Variants in FBXO16 observed in about 807,000 individuals in gnomAD.
FBXO16 encodes F-box protein 16, also known as F-box only protein 16.
A neutral mutation model predicts 41.0 loss-of-function variants in FBXO16; 31 were observed. That is an observed-to-expected ratio of 0.76 (90% confidence interval 0.57 to 1.02). The LOEUF is 1.02. Ranked by LOEUF, FBXO16 falls within the 50% of genes least tolerant of loss-of-function variation. The pLI is 0.00. For synonymous variants in FBXO16, 133 were observed against 117.8 expected (o/e 1.13, Z -0.84); for missense variants, 361 against 346.2 (o/e 1.04, Z -0.34).
chr8:28,450,173 T>C lies in FBXO16; in HGVS notation c.740+2071A>G, dbSNP rs550869343. Among the ~76,000 whole-genome samples the C allele has an allele frequency of 6.6e-5, 10 of 152,200 alleles. No homozygotes were observed. The East Asian group carries it at 1.9e-3, about 29-fold the overall frequency. On this transcript the variant is annotated intron_variant, in intron 6 of 8. Transcript: ENST00000380254. ...CCCAGAGTTAAAACCCTCACATATA[T>C]GGTCTATTGACTTTCAACAAGGGTG...
intron 2 of FBXO16, 64 bp from the exon 3 acceptor site, chr8:28,473,871 A>G: frequency 8.2e-7 from 1 of 1,220,550 alleles, no homozygotes; most frequent in Non-Finnish European, 1.2e-6. Context: ...CCATTACAAG[A>G]AAGATACCAT....
In FBXO16 at chr8:28,463,188, GTA is replaced by G. The variant is rs1174720346; in HGVS notation, c.342+422_342+423del. Among the ~76,000 whole-genome samples the G allele has an allele frequency of 4.0e-5, 6 of 151,468 alleles. No homozygotes were observed. The East Asian group carries it at 5.8e-4, about 15-fold the overall frequency. ...TGTGTGTTTGTGTGTGTATATGTGTGTATGTTTGTGTATGTGTTTGTGTGTTT... is the reference window on the plus strand; with the variant it reads ...TGTGTGTTTGTGTGTGTATATGTGTGTGTTTGTGTATGTGTTTGTGTGTTT... On this transcript the variant is annotated intron_variant, in intron 4 of 8. Coordinates refer to ENST00000380254, the MANE Select transcript of FBXO16 (RefSeq NM_172366.4).
intron 4 of FBXO16, among the ~76,000 whole-genome samples, chr8:28,459,376 G>A (rs993922651): frequency 3.3e-5 from 5 of 152,010 alleles, no homozygotes; most frequent in African/African-American, 1.2e-4. Flanking sequence ...CCAGCACTTT[G>A]AGAGGCCAAG....
chr8:28,453,000 T>A (rs1174082597), intron 5 of FBXO16, among the ~76,000 whole-genome samples: 1 of 152,110 alleles, frequency 6.6e-6, no homozygotes, highest in African/African-American at 2.4e-5. Flanking sequence ...ATCATCACGA[T>A]CACCATTACC....
chr8:28,478,257 G>A (rs1803453882), intron 2 of FBXO16, among the ~76,000 whole-genome samples: 1 of 152,072 alleles, frequency 6.6e-6, no homozygotes, highest in South Asian at 2.1e-4. Flanking sequence ...ATCTATTAAA[G>A]AACCAATGAG....
chr8:28,451,705 A>G (rs1333903353), intron 6 of FBXO16, among the ~76,000 whole-genome samples: 1 of 152,078 alleles, frequency 6.6e-6, no homozygotes, highest in East Asian at 1.9e-4. Context: ...AGAAGAGGCC[A>G]GGCACAGTTG....
chr8:28,479,172 GTTTC>G (rs1211180851), intron 2 of FBXO16, among the ~76,000 whole-genome samples: 2 of 152,172 alleles, frequency 1.3e-5, no homozygotes, highest in African/African-American at 4.8e-5. Flanking sequence ...AGCCTCAGGT[GTTTC>G]TTTACAACCA....
intron 7 of FBXO16, among the ~76,000 whole-genome samples, chr8:28,434,432 C>T (rs1010676661): frequency 1.3e-5 from 2 of 152,200 alleles, no homozygotes; most frequent in Non-Finnish European, 2.9e-5. Flanking sequence ...ACAATGACAG[C>T]ACCTGCTTTG....
chr8:28,473,635 G>A, intron 3 of FBXO16, 137 bp downstream of exon 3: 1 of 762,044 alleles, frequency 1.3e-6, no homozygotes, highest in Non-Finnish European at 2.2e-6. Flanking sequence ...AAATGTCTGG[G>A]TTTTTTTCTT....
At chr8:28,455,627 G>GACTTC (rs1358915956) in intron 5 of FBXO16, 6 of 152,144 alleles carry the variant, frequency 3.9e-5, no homozygotes, top group Non-Finnish European at 8.8e-5. Context: ...TGAACAGCCT[G>GACTTC]AGCTTCAGCT....
chr8:28,467,154 G>A (rs879715709), intron 3 of FBXO16, among the ~76,000 whole-genome samples: 1 of 152,036 alleles, frequency 6.6e-6, no homozygotes, highest in Non-Finnish European at 1.5e-5. Context: ...GTGGGGCTGA[G>A]CTACGTTGAG....
intron 7 of FBXO16, among the ~76,000 whole-genome samples, chr8:28,441,926 G>A (rs1306275400): frequency 1.6e-5 from 2 of 121,826 alleles, no homozygotes; most frequent in African/African-American, 1.0e-4. Context: ...GTGTGTGTGT[G>A]TGTGTGTGTG....
chr8:28,442,712 A>G (rs541310476), intron 7 of FBXO16, among the ~76,000 whole-genome samples: 9 of 152,226 alleles, frequency 5.9e-5, no homozygotes, highest in Admixed American at 5.9e-4. Context: ...CACCCTAAAA[A>G]GTGGTTAGAC....
chr8:28,459,148 G>A (rs1461749880), intron 4 of FBXO16, among the ~76,000 whole-genome samples: 3 of 152,088 alleles, frequency 2.0e-5, no homozygotes, highest in African/African-American at 4.8e-5. Context: ...CCATGACCCC[G>A]TAAATCAGAG....
chr8:28,438,880 T>TCG (rs1802722483), intron 7 of FBXO16, among the ~76,000 whole-genome samples: 1 of 151,596 alleles, frequency 6.6e-6, no homozygotes, highest in Non-Finnish European at 1.5e-5. Context: ...CAAATGGACT[T>TCG]CTTGAGGTCA....
intron 7 of FBXO16, among the ~76,000 whole-genome samples, chr8:28,436,652 C>G (rs1802691495): frequency 6.6e-6 from 1 of 152,072 alleles, no homozygotes; most frequent in African/African-American, 2.4e-5. Context: ...TTTCAAAACA[C>G]CTGTGTCTTA....
At chr8:28,459,647 T>A (rs1803093599) in intron 4 of FBXO16, among the ~76,000 whole-genome samples, 3 of 146,756 alleles carry the variant, frequency 2.0e-5, no homozygotes, top group African/African-American at 7.5e-5. Context: ...ATAATAATAA[T>A]AATAATAATA....
At chr8:28,472,331 C>A (rs1338241850) in intron 3 of FBXO16, among the ~76,000 whole-genome samples, 1 of 152,108 alleles carries the variant, frequency 6.6e-6, no homozygotes, top group African/African-American at 2.4e-5. Flanking sequence ...AAACTCCCGG[C>A]CTTAAGCTCT....
At chr8:28,475,878 C>T (rs1364520171) in intron 2 of FBXO16, among the ~76,000 whole-genome samples, 3 of 152,074 alleles carry the variant, frequency 2.0e-5, no homozygotes, top group Non-Finnish European at 2.9e-5. Context: ...TCTTTTTGTT[C>T]GATTCCCATA....
Sources: gnomAD v4.1 joint callset for allele counts (sites outside exome capture counted in the v4.1 genomes callset) on GRCh38, gnomAD v4.1.1 for gene constraint, MANE v1.5 for transcripts, NCBI Gene and HGNC (gene_info 2026-07-23, HGNC 2026-07-21) for gene names.